CCDC80: variants seen among roughly 807,000 people sequenced by gnomAD.
The protein encoded by CCDC80 is coiled-coil domain containing 80.
Under a neutral mutation model 78.7 loss-of-function variants are expected in CCDC80, and 49 were observed. The ratio of observed to expected loss-of-function variants is 0.62; its 90% CI spans 0.50 to 0.79. The LOEUF (loss-of-function observed/expected upper bound fraction) is 0.79, where lower values mean the gene tolerates loss of function less well. Among genes scored for constraint, CCDC80 ranks in the 30% least tolerant of loss-of-function variants. The probability of loss-of-function intolerance (pLI) is 0.00; values close to 1 mark genes in which losing one functional copy is unlikely to be tolerated. For missense variants in CCDC80, 1,205 were observed against 1,198.6 expected, an observed-to-expected ratio of 1.01 and a Z score of -0.08; for synonymous variants, 488 against 447.0, an observed-to-expected ratio of 1.09 and a Z score of -1.16.
At chr3:112,634,263 T>G (rs1307271450) in intron 2 of CCDC80, among the ~76,000 whole-genome samples, 1 of 152,170 alleles carries the variant, frequency 6.6e-6, no homozygotes, top group Admixed American at 6.5e-5. Context: ...AATACACAGA[T>G]GTCTGAAGTA....
At chr3:112,636,738 G>T (rs986509227) in intron 2 of CCDC80, among the ~76,000 whole-genome samples, 1 of 152,134 alleles carries the variant, frequency 6.6e-6, no homozygotes, top group African/African-American at 2.4e-5. Flanking sequence ...GGAAATGCAG[G>T]GTGTGCAGTT....
chr3:112,613,308 A>G (rs1363584722), intron 5 of CCDC80, among the ~76,000 whole-genome samples: 1 of 152,170 alleles, frequency 6.6e-6, no homozygotes, highest in African/African-American at 2.4e-5. Context: ...ACTACAAATC[A>G]GGCACCGCTA....
chr3:112,633,084 T>C (rs186520547), intron 2 of CCDC80, among the ~76,000 whole-genome samples: 12 of 152,360 alleles, frequency 7.9e-5, no homozygotes, highest in Non-Finnish European at 1.5e-4. Flanking sequence ...GTCATTGTTA[T>C]AATGAATCAA....
intron 3 of CCDC80, among the ~76,000 whole-genome samples, chr3:112,624,736 A>G (rs1317596176): frequency 1.3e-5 from 2 of 152,174 alleles, no homozygotes; most frequent in Non-Finnish European, 2.9e-5. Flanking sequence ...ACTCCATCAA[A>G]TCTTAAAGTT....
At position 112,639,387 on chromosome 3, in the gene CCDC80, G is replaced by C. The variant is rs1209081864; in HGVS notation, c.519C>G (p.Asp173Glu). ...YYRLMMSLLK[D>E]DVYCELAERH... The stretch of plus-strand genomic sequence containing the variant: ...TCTCCGCCAGCTCACAGTACACATC[G>C]TCCTTCAGCAGGCTCATCATGAGGC... Residue 173 changes from aspartate (D) to glutamate (E), a missense_variant, in exon 2 of 8, where the codon GAC becomes GAG. Coordinates refer to ENST00000206423, the MANE Select transcript of CCDC80 (RefSeq NM_199511.3). 2 of 1,613,994 alleles carry C rather than the reference G, an allele frequency of 1.2e-6. No individual in the cohort carries two copies. The highest frequency in any genetic ancestry group is 2.7e-5 in the African/African-American group (2 of 74,888).
chr3:112,607,303 T>C (rs1311473157), intron 6 of CCDC80, 47 bp from the exon 7 acceptor site: 1 of 1,455,852 alleles, frequency 6.9e-7, no homozygotes, highest in Non-Finnish European at 9.4e-7. Context: ...GGATTAGAAG[T>C]TATCTTTTAC....
chr3:112,610,374 A>G (rs1935600295), intron 5 of CCDC80: 1 of 414,734 alleles, frequency 2.4e-6, no homozygotes, highest in African/African-American at 2.0e-5. Flanking sequence ...ACAAACTCTC[A>G]GATGCAATGA....
At chr3:112,605,796 G>C in intron 7 of CCDC80, 33 bp from the exon 8 acceptor site, 1 of 1,548,970 alleles carries the variant, frequency 6.5e-7, no homozygotes, top group East Asian at 2.2e-5. Flanking sequence ...ATTGTTAGTA[G>C]ATTAAACAGT....
rs76815788 is a variant in CCDC80 at position 112,636,885 on chromosome 3, A to C, written c.1878+1143T>G. 6.0e-3 allele frequency among the ~76,000 whole-genome samples: 917 copies of C among 152,346 alleles called. 12 individuals are homozygous for C. The highest frequency in any genetic ancestry group is 0.021 in the African/African-American group (879 of 41,580). On this transcript the variant is annotated intron_variant, in intron 2 of 7. Coordinates refer to ENST00000206423, the MANE Select transcript of CCDC80 (RefSeq NM_199511.3). ...GATCTTTTACTCAGAATTAATGGTAACAATATCCTTTTCCTCCTTGACAGC... is the reference window on the plus strand; with the variant it reads ...GATCTTTTACTCAGAATTAATGGTACCAATATCCTTTTCCTCCTTGACAGC...
At chr3:112,624,022 G>C (rs1273191501) in intron 3 of CCDC80, among the ~76,000 whole-genome samples, 2 of 152,106 alleles carry the variant, frequency 1.3e-5, no homozygotes, top group Non-Finnish European at 1.5e-5. Context: ...ACAGTTCCTA[G>C]CATACAACCC....
rs765977366 is a variant in CCDC80 at position 112,605,599 on chromosome 3, C to A, written c.2671G>T (p.Asp891Tyr). 1.9e-6 allele frequency: 3 copies of A among 1,614,038 alleles called. No homozygotes were observed. Among genetic ancestry groups the A allele is most frequent in the Non-Finnish European group, 2.5e-6 (3 of 1,180,030 alleles). Residue 891 changes from aspartate (D) to tyrosine (Y), a missense_variant, in exon 8 of 8, where the codon GAT becomes TAT. Coordinates refer to ENST00000206423, the MANE Select transcript of CCDC80 (RefSeq NM_199511.3). ...SPMWSMVIVY[D>Y]LIDSMQLRRQ... ...CGAAGTTGCATCGAATCAATTAAAT[C>A]GTACACAATCACCATGGACCACATT...
chr3:112,630,102 T>G lies in CCDC80; in HGVS notation c.2035+11A>C. 3 of 1,612,326 alleles carry G rather than the reference T, an allele frequency of 1.9e-6. No individual in the cohort carries two copies. Among genetic ancestry groups the G allele is most frequent in the Non-Finnish European group, 2.5e-6 (3 of 1,178,664 alleles). ...GAAAAACAATAATATAATTAAAATG[T>G]TTAAGAGAACCTAGCTGAAAGTGGT... On this transcript the variant is annotated intron_variant, in intron 3 of 7. Coordinates refer to ENST00000206423, the MANE Select transcript of CCDC80 (RefSeq NM_199511.3).
chr3:112,629,963 T>C (rs1386699686), intron 3 of CCDC80, 150 bp downstream of exon 3: 2 of 697,134 alleles, frequency 2.9e-6, no homozygotes, highest in Non-Finnish European at 4.7e-6. Flanking sequence ...GCTATTTAAA[T>C]AAGCAGGCAA....
rs373782189 is a variant in CCDC80, at chr3:112,639,285, G to A, written c.621C>T (p.Gly207=). ...GGKVRRITSE[G]QILEQPLDPS... ...GGTCCAGGGGCTGCTCCAGGATCTG[G>A]CCCTCGCTGGTGATCCTTCTCACCT... Residue 207 remains glycine (G), a synonymous_variant, in exon 2 of 8, where the codon GGC becomes GGT. Transcript: ENST00000206423. The A allele has an allele frequency of 4.3e-6, 7 of 1,614,166 alleles. No individual in the cohort carries two copies. Among genetic ancestry groups the A allele is most frequent in the South Asian group, 2.2e-5 (2 of 91,074 alleles).
chr3:112,632,244 T>C (rs1278456716), intron 2 of CCDC80, among the ~76,000 whole-genome samples: 1 of 152,198 alleles, frequency 6.6e-6, no homozygotes, highest in Non-Finnish European at 1.5e-5. Flanking sequence ...CTGACTGTTT[T>C]GTGCTCAAAA....
chr3:112,623,110 G>A (rs35263368), intron 3 of CCDC80, among the ~76,000 whole-genome samples: 1 of 152,132 alleles, frequency 6.6e-6, no homozygotes, highest in Non-Finnish European at 1.5e-5. Context: ...TCCCAGGGAA[G>A]GTGAACTCTG....
chr3:112,611,309 T>A (rs1255907617), intron 5 of CCDC80, among the ~76,000 whole-genome samples: 2 of 152,210 alleles, frequency 1.3e-5, no homozygotes, highest in East Asian at 3.8e-4. Flanking sequence ...ATCCACATGA[T>A]AACATGGATA....
In CCDC80 at chr3:112,641,081, A is replaced by G. The variant is rs1458969823; in HGVS notation, c.-766T>C. 1 of 152,248 alleles carries G rather than the reference A, an allele frequency of 6.6e-6. No homozygotes were observed. Among genetic ancestry groups the G allele is most frequent in the Non-Finnish European group, 1.5e-5 (1 of 68,074 alleles). The allele number at this position is 152,248 out of a possible 1,614,324, so 9.4% of individuals were successfully genotyped here. A position where few individuals can be genotyped will look rare whatever the true frequency, so the allele number is the denominator to read the frequency against. Reference sequence around the variant, plus strand: ...TTCACTAAGAATTTAACAGATCAGCAAAACACCGCCTCCTTCCCATTTTAG... The same window carrying G: ...TTCACTAAGAATTTAACAGATCAGCGAAACACCGCCTCCTTCCCATTTTAG... On this transcript the variant is annotated 5_prime_UTR_variant, in exon 1 of 8. Coordinates refer to ENST00000206423, the MANE Select transcript of CCDC80 (RefSeq NM_199511.3).
intron 6 of CCDC80, among the ~76,000 whole-genome samples, chr3:112,607,678 C>T (rs1357848757): frequency 6.6e-6 from 1 of 151,976 alleles, no homozygotes; most frequent in South Asian, 2.1e-4. Flanking sequence ...CCCAGCTACT[C>T]GGGAGGGTGA....
Sources: gnomAD v4.1 joint callset for allele counts (sites outside exome capture counted in the v4.1 genomes callset) on GRCh38, gnomAD v4.1.1 for gene constraint, MANE v1.5 for transcripts, NCBI Gene and HGNC (gene_info 2026-07-23, HGNC 2026-07-21) for gene names.